ABTB1: variants seen among roughly 807,000 people sequenced by gnomAD.
ABTB1 encodes ankyrin repeat and BTB/POZ domain-containing protein 1.
Under a neutral mutation model 57.1 loss-of-function variants are expected in ABTB1, and 45 were observed. That is an observed-to-expected ratio of 0.79 (90% CI 0.62 to 1.01). The LOEUF (loss-of-function observed/expected upper bound fraction) is 1.01. ABTB1 is among the 50% of genes least tolerant of loss of function. ABTB1 has a pLI of 0.00. For missense variants in ABTB1, 630 were observed against 666.3 expected, an observed-to-expected ratio of 0.95 and a Z score of 0.60; for synonymous variants, 302 against 275.4, an observed-to-expected ratio of 1.10 and a Z score of -0.95.
intron 1 of ABTB1, chr3:127,673,691 A>C: frequency 6.5e-6 from 1 of 153,836 alleles, no homozygotes; most frequent in Admixed American, 6.5e-5. Flanking sequence ...CTCCCCCTTG[A>C]CCTGGTGCTG....
chr3:127,676,748 G>T lies in ABTB1; in HGVS notation c.526+167G>T. 1.1e-6 allele frequency: 1 copy of T among 926,632 alleles called. No homozygotes were observed. Among genetic ancestry groups the T allele is most frequent in the Non-Finnish European group, 1.6e-6 (1 of 615,316 alleles). The allele number at this position is 926,632 out of a possible 1,614,324, so 57.4% of individuals were successfully genotyped here. On this transcript the variant is annotated intron_variant, in intron 6 of 11. Transcript: ENST00000232744. The surrounding 1 kb of genome is among the most constrained non-coding windows in gnomAD (Gnocchi z 5.4). Reference sequence around the variant, plus strand: ...GGGTTGCAAGAGAGAGGACTAGTGTGCCTGCTCAGGAAGAGCTTGTCCCAC... The same window carrying T: ...GGGTTGCAAGAGAGAGGACTAGTGTTCCTGCTCAGGAAGAGCTTGTCCCAC...
chr3:127,678,326 G>C, intron 10 of ABTB1: 1 of 164,110 alleles, frequency 6.1e-6, no homozygotes, highest in Non-Finnish European at 1.4e-5. Context: ...GTGCGTGCGC[G>C]TGCGCGCGCA....
intron 3 of ABTB1, 38 bp from the exon 4 acceptor site, chr3:127,675,932 C>T: frequency 6.3e-7 from 1 of 1,589,304 alleles, no homozygotes; most frequent in East Asian, 2.3e-5. Context: ...TTCCCCCAGG[C>T]CCCTTCCCTG....
At position 127,676,660 on chromosome 3, in the gene ABTB1, C is replaced by A; in HGVS notation, c.526+79C>A. ...AGCAGTACACCTAGGTGTGGCTGGG[C>A]TGACCTTTCACCTCTAGACACTTCA... is the stretch of plus-strand genomic sequence containing the variant. On this transcript the variant is annotated intron_variant, in intron 6 of 11. Transcript: ENST00000232744. The surrounding 1 kb of genome is among the most constrained non-coding windows in gnomAD (Gnocchi z 5.4). 1.9e-6 allele frequency: 3 copies of A among 1,568,052 alleles called. No homozygotes were observed. Among genetic ancestry groups the A allele is most frequent in the Non-Finnish European group, 2.6e-6 (3 of 1,142,180 alleles).
At chr3:127,674,729 C>A in intron 3 of ABTB1, 129 bp downstream of exon 3, 1 of 1,137,612 alleles carries the variant, frequency 8.8e-7, no homozygotes, top group Non-Finnish European at 1.3e-6. Flanking sequence ...CCTCTCTTAC[C>A]ACCCAGTCGA....
intron 10 of ABTB1, chr3:127,679,110 C>T (rs2075062769): frequency 6.0e-6 from 1 of 165,746 alleles, no homozygotes; most frequent in Non-Finnish European, 1.3e-5. Flanking sequence ...TTCAAGGAGC[C>T]TCGCCACCCA....
chr3:127,679,851 G>C, intron 10 of ABTB1, 134 bp from the exon 11 acceptor site: 2 of 646,250 alleles, frequency 3.1e-6, no homozygotes, highest in African/African-American at 1.9e-5. Context: ...CCATACATGC[G>C]CAGGGAGCTC....
chr3:127,674,645 A>G, intron 3 of ABTB1, 45 bp downstream of exon 3: 1 of 1,611,138 alleles, frequency 6.2e-7, no homozygotes, highest in Non-Finnish European at 8.5e-7. Flanking sequence ...GGGTGCATGC[A>G]TGTGTGCGTG....
rs7642670 is a variant in ABTB1 at position 127,677,857 on chromosome 3, C to T, written c.1029+14C>T. ...GACCACACTGAGGTGGGGGCTCAGGCAGAGCTGGGGATGGCACACAACCTG... is the reference window on the plus strand; with the variant it reads ...GACCACACTGAGGTGGGGGCTCAGGTAGAGCTGGGGATGGCACACAACCTG... On this transcript the variant is annotated intron_variant, in intron 10 of 11. Transcript: ENST00000232744. The T allele has an allele frequency of 9.7e-3, 15,625 of 1,609,234 alleles. 1,222 individuals are homozygous for T. The African/African-American group carries it at 0.18, about 18-fold the overall frequency.
At position 127,680,038 on chromosome 3, in the gene ABTB1, G is replaced by A; in HGVS notation, c.1083G>A (p.Leu361=). Residue 361 remains leucine, a synonymous_variant, in exon 11 of 12, where the codon CTG becomes CTA. Coordinates refer to ENST00000232744, the MANE Select transcript of ABTB1 (RefSeq NM_172027.3). The stretch of plus-strand genomic sequence containing the variant: ...TGAGCGTCGCCGACATGTACCTGCT[G>A]CCAGGCCTGAAGAGGCTGTGCGGCC... The part of the protein sequence containing the change: ...DVLSVADMYL[L]PGLKRLCGRS... The A allele has an allele frequency of 6.2e-7, 1 of 1,613,772 alleles. No individual in the cohort carries two copies. The highest frequency in any genetic ancestry group is 1.1e-5 in the South Asian group (1 of 91,090).
At chr3:127,679,440 A>G in intron 10 of ABTB1, 1 of 443,216 alleles carries the variant, frequency 2.3e-6, no homozygotes, top group Non-Finnish European at 4.6e-6. Context: ...TATCCAGCAC[A>G]GGATGTATCT....
chr3:127,675,980 C>A lies in ABTB1; in HGVS notation c.186C>A (p.Cys62Ter), dbSNP rs749250595. ...CCCTGCCTCCCCCAGGAGCCCGCTG[C>A]GAGGCCAACACCTTCGATGGTGAGC... The part of the protein sequence containing the change: ...VLYLLANGAR[C>*]EANTFDGERC... The change falls in exon 4 of 12, where the codon TGC (cysteine) becomes TGA (stop). Residue 62 changes from cysteine (C) to a stop codon, truncating the protein, a stop_gained. Transcript: ENST00000232744. LOFTEE classifies it high-confidence loss of function. The A allele has an allele frequency of 2.5e-6, 4 of 1,606,798 alleles. No individual in the cohort carries two copies. In the Admixed American group the frequency reaches 6.7e-5, roughly 27 times the overall value.
rs977381045 is a variant in ABTB1, at chr3:127,674,611, G to A, written c.175+11G>A. On this transcript the variant is annotated intron_variant, in intron 3 of 11. Transcript: ENST00000232744. Reference sequence around the variant, plus strand: ...ACCTTCTGGCCAATGGTGAGAGCAGGGAGCCCGGCTCACGGGTGTGCGTGG... The same window carrying A: ...ACCTTCTGGCCAATGGTGAGAGCAGAGAGCCCGGCTCACGGGTGTGCGTGG... The A allele has an allele frequency of 3.7e-6, 6 of 1,614,068 alleles. No homozygotes were observed. The African/African-American group carries it at 8.0e-5, about 22-fold the overall frequency.
At position 127,676,567 on chromosome 3, in the gene ABTB1, A is replaced by G. The variant is rs1408887400; in HGVS notation, c.512A>G (p.Gln171Arg). 6.2e-7 allele frequency: 1 copy of G among 1,613,874 alleles called. No homozygotes were observed. Among genetic ancestry groups the G allele is most frequent in the African/African-American group, 1.3e-5 (1 of 74,910 alleles). The change falls in exon 6 of 12, where the codon CAG becomes CGG. Residue 171 changes from glutamine (Q) to arginine (R), a missense_variant. Gln to Arg is a conservative substitution (Grantham distance 43). Coordinates refer to ENST00000232744, the MANE Select transcript of ABTB1 (RefSeq NM_172027.3). The surrounding 1 kb of genome is among the most constrained non-coding windows in gnomAD (Gnocchi z 5.4). ...INPVAFGALL[Q>R]YLYTGRLDIG... The stretch of plus-strand genomic sequence containing the variant: ...CCCGTGGCCTTTGGGGCCCTGCTGC[A>G]GTACCTGTACACAGGTGACCCCCTG...
At chr3:127,673,778 T>G (rs2074908425) in intron 1 of ABTB1, among the ~76,000 whole-genome samples, 1 of 152,202 alleles carries the variant, frequency 6.6e-6, no homozygotes, top group Admixed American at 6.5e-5. Flanking sequence ...CTCCCTGACA[T>G]CCCGTGCCAC....
At chr3:127,679,727 C>T in intron 10 of ABTB1, 2 of 588,042 alleles carry the variant, frequency 3.4e-6, no homozygotes, top group Non-Finnish European at 6.3e-6. Flanking sequence ...AGGGCCCTGC[C>T]TCCCGCCTGC....
At position 127,677,296 on chromosome 3, in the gene ABTB1, G is replaced by A. The variant is rs760759715; in HGVS notation, c.762+10G>A. 4 of 1,586,736 alleles carry A rather than the reference G, an allele frequency of 2.5e-6. No homozygotes were observed. In the South Asian group the frequency reaches 3.4e-5, roughly 13 times the overall value. ...GCCCCCCGAGCTCCGAGTAAGTGCGGGGCTGGTGGGCAGGAAGGGCGTTTT... is the reference window on the plus strand; with the variant it reads ...GCCCCCCGAGCTCCGAGTAAGTGCGAGGCTGGTGGGCAGGAAGGGCGTTTT... On this transcript the variant is annotated intron_variant, in intron 8 of 11. Coordinates refer to ENST00000232744, the MANE Select transcript of ABTB1 (RefSeq NM_172027.3).
rs2074994897 is a variant in ABTB1, at chr3:127,676,883, C to A, written c.527-84C>A. On this transcript the variant is annotated intron_variant, in intron 6 of 11. Coordinates refer to ENST00000232744, the MANE Select transcript of ABTB1 (RefSeq NM_172027.3). This position sits in a 1 kb window ranked among gnomAD's most constrained non-coding sequence, Gnocchi z 5.4. ...GAGTCCTAGTCCTGCAGCCAGGTGGCCAGGTGGGAGGGGATCACCCTTTTT... is the reference window on the plus strand; with the variant it reads ...GAGTCCTAGTCCTGCAGCCAGGTGGACAGGTGGGAGGGGATCACCCTTTTT... 1.2e-5 allele frequency: 17 copies of A among 1,370,968 alleles called. No homozygotes were observed. Among genetic ancestry groups the A allele is most frequent in the Non-Finnish European group, 4.1e-6 (4 of 987,184 alleles). 84.9% of individuals were successfully genotyped at this position (1,370,968 alleles called of 1,614,324 possible).
chr3:127,679,067 G>A (rs1357546208), intron 10 of ABTB1: 1 of 163,964 alleles, frequency 6.1e-6, no homozygotes, highest in Non-Finnish European at 1.4e-5. Context: ...CTGTAGCAGG[G>A]GTTACCTTTG....
Sources: gnomAD v4.1 joint callset for allele counts (sites outside exome capture counted in the v4.1 genomes callset) on GRCh38, gnomAD v4.1.1 for gene constraint, Gnocchi (gnomAD v3.1) non-coding constraint, MANE v1.5 for transcripts, NCBI Gene and HGNC (gene_info 2026-07-23, HGNC 2026-07-21) for gene names.